The following NRG3 variants were observed in gnomAD, a reference collection of about 807,000 sequenced individuals.
NRG3 encodes the protein pro-neuregulin-3, membrane-bound isoform.
In NRG3, 31 loss-of-function variants were observed where a neutral mutation model predicts 66.9. That is an observed-to-expected ratio of 0.46 (90% confidence interval 0.35 to 0.63). The LOEUF (loss-of-function observed/expected upper bound fraction) is 0.63. NRG3 is among the 20% of genes least tolerant of loss of function. The pLI is 0.00. For synonymous variants in NRG3, 393 were observed against 359.4 expected, an observed-to-expected ratio of 1.09 and a Z score of -1.06; for missense variants, 910 against 878.9, an observed-to-expected ratio of 1.04 and a Z score of -0.45.
intron 1 of NRG3, among the ~76,000 whole-genome samples, chr10:82,349,764 T>C (rs537485589): frequency 3.4e-4 from 51 of 152,238 alleles, no homozygotes; most frequent in African/African-American, 1.2e-3. Flanking sequence ...ATAGAATCTC[T>C]TGGTGTGCCG....
At chr10:82,434,927 C>G (rs1416154226) in intron 2 of NRG3, among the ~76,000 whole-genome samples, 1 of 151,860 alleles carries the variant, frequency 6.6e-6, no homozygotes, top group African/African-American at 2.4e-5. Context: ...TGTGTCTTCC[C>G]GGTTTTGGTA....
At chr10:82,865,181 A>G (rs576580515) in intron 3 of NRG3, among the ~76,000 whole-genome samples, 1 of 152,274 alleles carries the variant, frequency 6.6e-6, no homozygotes, top group African/African-American at 2.4e-5. Context: ...TTCATCTAAA[A>G]TCTAAGCTAT....
intron 1 of NRG3, among the ~76,000 whole-genome samples, chr10:82,159,952 A>G (rs763342697): frequency 7.9e-5 from 12 of 151,956 alleles, no homozygotes; most frequent in Non-Finnish European, 1.5e-4. Flanking sequence ...ATTTCTTTTC[A>G]CTGAGAGGTG....
intron 2 of NRG3, among the ~76,000 whole-genome samples, chr10:82,623,214 G>A (rs1057163021): frequency 5.3e-4 from 80 of 152,220 alleles, no homozygotes; most frequent in African/African-American, 1.8e-3. Context: ...GGGACACTTC[G>A]TTTTAAACTT....
chr10:82,681,539 C>G (rs1478754969), intron 2 of NRG3, among the ~76,000 whole-genome samples: 1 of 152,166 alleles, frequency 6.6e-6, no homozygotes, highest in Non-Finnish European at 1.5e-5. Flanking sequence ...GGCAGAAACA[C>G]CAGTGCTTTA....
chr10:82,761,186 T>A (rs2135060742), intron 3 of NRG3, among the ~76,000 whole-genome samples: 1 of 152,108 alleles, frequency 6.6e-6, no homozygotes, highest in South Asian at 2.1e-4. Context: ...AAGTAAAACA[T>A]ATCGAAACCA....
chr10:82,099,216 T>C (rs770445666), intron 1 of NRG3, among the ~76,000 whole-genome samples: 7 of 152,246 alleles, frequency 4.6e-5, no homozygotes, highest in Non-Finnish European at 1.5e-5. Flanking sequence ...TCAAGTTTTA[T>C]AATTGTACAT....
At position 82,582,764 on chromosome 10, in the gene NRG3, CTATT is replaced by C. The variant is rs1565095422; in HGVS notation, c.954-155809_954-155806del. ...TTTCCTCTTCTTTCCTAACTTGAAA[CTATT>C]TATGACAAAATAGTTTACATTTATA... On this transcript the variant is annotated intron_variant, in intron 2 of 8. Transcript: ENST00000372141. Among the ~76,000 whole-genome samples, 3 of 151,606 alleles carry C rather than the reference CTATT, an allele frequency of 2.0e-5. 1 individual carries two copies.
At chr10:82,876,719 C>T (rs1841850021) in intron 4 of NRG3, among the ~76,000 whole-genome samples, 2 of 152,108 alleles carry the variant, frequency 1.3e-5, no homozygotes, top group South Asian at 4.1e-4. Flanking sequence ...TCAGATTGTA[C>T]TTAGAAAGTA....
intron 2 of NRG3, among the ~76,000 whole-genome samples, chr10:82,624,886 A>C (rs1289615350): frequency 6.8e-6 from 1 of 146,874 alleles, no homozygotes; most frequent in Non-Finnish European, 1.5e-5. Flanking sequence ...AATTTTAAGA[A>C]AGGATGATAA....
intron 3 of NRG3, among the ~76,000 whole-genome samples, chr10:82,753,616 A>AT (rs773330900): frequency 1.4e-5 from 2 of 141,772 alleles, no homozygotes; most frequent in Non-Finnish European, 3.1e-5. Context: ...AGAATAATTC[A>AT]TTTTTTACCA....
chr10:82,232,622 T>C (rs956060030), intron 1 of NRG3: 27 of 618,602 alleles, frequency 4.4e-5, no homozygotes, highest in Admixed American at 1.1e-4. Flanking sequence ...GCTGCATCTA[T>C]AAATATTATG....
intron 2 of NRG3, among the ~76,000 whole-genome samples, chr10:82,625,389 C>A (rs2049350208): frequency 6.6e-6 from 1 of 151,992 alleles, no homozygotes; most frequent in African/African-American, 2.4e-5. Context: ...TACACAGATA[C>A]TTTTTTTAGT....
At chr10:82,238,483 T>A (rs2076856551) in intron 1 of NRG3, among the ~76,000 whole-genome samples, 1 of 152,216 alleles carries the variant, frequency 6.6e-6, no homozygotes, top group Non-Finnish European at 1.5e-5. Flanking sequence ...TAAGTGACTG[T>A]AAGGATTTGA....
chr10:82,590,723 G>A (rs2046936334), intron 2 of NRG3, among the ~76,000 whole-genome samples: 1 of 152,170 alleles, frequency 6.6e-6, no homozygotes, highest in Admixed American at 6.5e-5. Context: ...CTGGGATTCT[G>A]ATTCTGACAC....
At chr10:82,697,381 A>T (rs1381616000) in intron 2 of NRG3, among the ~76,000 whole-genome samples, 2 of 152,142 alleles carry the variant, frequency 1.3e-5, no homozygotes, top group African/African-American at 4.8e-5. Context: ...TTACAGAGAA[A>T]TCCATATTCC....
intron 4 of NRG3, among the ~76,000 whole-genome samples, chr10:82,940,667 G>A (rs2132260377): frequency 6.6e-6 from 1 of 152,226 alleles, no homozygotes; most frequent in East Asian, 1.9e-4. Flanking sequence ...CCAGTAAATT[G>A]GGTGTTTGGT....
intron 1 of NRG3, among the ~76,000 whole-genome samples, chr10:82,018,000 G>A (rs1354122361): frequency 2.0e-5 from 3 of 152,134 alleles, no homozygotes; most frequent in African/African-American, 4.8e-5. Context: ...TGTTTTAGAC[G>A]TGAATTTCTT....
At chr10:81,981,519 G>A (rs1423886022) in intron 1 of NRG3, among the ~76,000 whole-genome samples, 3 of 152,168 alleles carry the variant, frequency 2.0e-5, no homozygotes, top group Non-Finnish European at 4.4e-5. Flanking sequence ...CTGGGAAATA[G>A]CGTCGTCTTC....
Sources: gnomAD v4.1 joint callset for allele counts (sites outside exome capture counted in the v4.1 genomes callset) on GRCh38, gnomAD v4.1.1 for gene constraint, MANE v1.5 for transcripts, NCBI Gene and HGNC (gene_info 2026-07-23, HGNC 2026-07-21) for gene names.